Variants in SENP7 observed in about 807,000 individuals in gnomAD.
The protein encoded by SENP7 is sentrin-specific protease 7.
Under a neutral mutation model 141.2 loss-of-function variants are expected in SENP7, and 64 were observed. The ratio of observed to expected loss-of-function variants is 0.45; its 90% CI spans 0.37 to 0.56. The LOEUF is 0.56. SENP7 is among the 20% of genes least tolerant of loss of function. The probability of loss-of-function intolerance (pLI) is 0.00; values close to 1 mark genes in which losing one functional copy is unlikely to be tolerated. For missense variants in SENP7, 1,025 were observed against 1,212.2 expected, an observed-to-expected ratio of 0.85 and a Z score of 2.29; for synonymous variants, 382 against 426.4, an observed-to-expected ratio of 0.90 and a Z score of 1.28.
chr3:101,416,764 A>G (rs891131849), intron 5 of SENP7, among the ~76,000 whole-genome samples: 3 of 152,218 alleles, frequency 2.0e-5, no homozygotes, highest in African/African-American at 4.8e-5. Flanking sequence ...TTATTTTAAA[A>G]ATAACTGTGT....
chr3:101,391,196 TAACA>T (rs2060806066), intron 6 of SENP7, among the ~76,000 whole-genome samples: 1 of 150,738 alleles, frequency 6.6e-6, no homozygotes, highest in South Asian at 2.1e-4. Context: ...AGAAAAGCAA[TAACA>T]AACTAAACCC....
At chr3:101,407,007 GACAA>G (rs774389111) in intron 5 of SENP7, among the ~76,000 whole-genome samples, 13 of 152,094 alleles carry the variant, frequency 8.5e-5, no homozygotes, top group Non-Finnish European at 1.6e-4. Context: ...GTCTTTTTCA[GACAA>G]ACAAATGGGA....
chr3:101,430,192 C>T (rs2062109971), intron 4 of SENP7, among the ~76,000 whole-genome samples: 1 of 152,144 alleles, frequency 6.6e-6, no homozygotes, highest in South Asian at 2.1e-4. Flanking sequence ...CAGGATGATG[C>T]TGGCCTCATA....
At chr3:101,472,654 AAAT>A (rs2064050809) in intron 3 of SENP7, among the ~76,000 whole-genome samples, 1 of 152,214 alleles carries the variant, frequency 6.6e-6, no homozygotes, top group African/African-American at 2.4e-5. Flanking sequence ...GTATAATAAA[AAAT>A]AATTTTTTAA....
intron 11 of SENP7, among the ~76,000 whole-genome samples, chr3:101,352,054 C>T (rs951353104): frequency 1.8e-4 from 28 of 151,876 alleles, no homozygotes; most frequent in African/African-American, 6.8e-4. Context: ...GACGATGATT[C>T]CCTTGGTGAT....
chr3:101,351,356 T>C (rs577177578), intron 12 of SENP7, among the ~76,000 whole-genome samples: 1 of 152,014 alleles, frequency 6.6e-6, no homozygotes, highest in Non-Finnish European at 1.5e-5. Flanking sequence ...CATTTTTATA[T>C]ATACCAAAAT....
intron 17 of SENP7, among the ~76,000 whole-genome samples, chr3:101,333,753 A>C (rs1256806119): frequency 1.3e-5 from 2 of 152,196 alleles, no homozygotes; most frequent in Non-Finnish European, 2.9e-5. Flanking sequence ...AGTCACCTAC[A>C]CTGCCCTAGA....
chr3:101,357,748 G>GA (rs952026297), intron 11 of SENP7: 93 of 647,152 alleles, frequency 1.4e-4, no homozygotes, highest in African/African-American at 1.0e-3. Context: ...AGACATACTG[G>GA]AAAAAAAACT....
intron 4 of SENP7, chr3:101,457,685 C>G: frequency 1.5e-6 from 2 of 1,328,774 alleles, no homozygotes; most frequent in Non-Finnish European, 2.1e-6. Context: ...ACACTTGTGC[C>G]TGCAGTTTGG....
At chr3:101,337,374 G>T in intron 17 of SENP7, 135 bp downstream of exon 17, 1 of 515,442 alleles carries the variant, frequency 1.9e-6, no homozygotes, top group Non-Finnish European at 3.2e-6. Flanking sequence ...GGCTCTCATG[G>T]CAAACAGACC....
At chr3:101,512,989 T>A in intron 1 of SENP7, 102 bp downstream of exon 1, 237 of 1,097,566 alleles carry the variant, frequency 2.2e-4, no homozygotes, top group African/African-American at 4.6e-4. Flanking sequence ...GCCCCCGCCC[T>A]CGCCCCCGCG....
intron 6 of SENP7, among the ~76,000 whole-genome samples, chr3:101,392,955 T>C (rs913645605): frequency 7.2e-5 from 11 of 152,058 alleles, no homozygotes; most frequent in African/African-American, 2.7e-4. Context: ...TGCACTACAG[T>C]CTGGATGACA....
At chr3:101,513,208 GAAAGGAA>G in exon 1 of SENP7, 1 of 261,580 alleles carries the variant, frequency 3.8e-6, no homozygotes, top group Non-Finnish European at 6.7e-6. Flanking sequence ...AGGGGGAGGG[GAAAGGAA>G]AAAAAAAAAA....
intron 3 of SENP7, among the ~76,000 whole-genome samples, chr3:101,463,620 T>C (rs1209753205): frequency 1.3e-5 from 2 of 151,248 alleles, no homozygotes; most frequent in Non-Finnish European, 2.9e-5. Context: ...ATACCAAACC[T>C]GCAATCTAAC....
At chr3:101,495,046 A>G (rs1305514263) in intron 2 of SENP7, among the ~76,000 whole-genome samples, 1 of 152,224 alleles carries the variant, frequency 6.6e-6, no homozygotes, top group Non-Finnish European at 1.5e-5. Context: ...GACAAACTCT[A>G]ATATCCAGAG....
intron 4 of SENP7, among the ~76,000 whole-genome samples, chr3:101,441,540 T>C (rs765967620): frequency 6.6e-6 from 1 of 152,084 alleles, no homozygotes; most frequent in Non-Finnish European, 1.5e-5. Context: ...CTACTCACCA[T>C]TGCCAATGCC....
chr3:101,370,267 A>T (rs568114576), intron 7 of SENP7, among the ~76,000 whole-genome samples: 1 of 152,274 alleles, frequency 6.6e-6, no homozygotes, highest in East Asian at 1.9e-4. Context: ...TATTCAAGTC[A>T]ATGTGAGGAC....
At chr3:101,332,181 T>A in intron 18 of SENP7, 72 bp from the exon 19 acceptor site, 1 of 1,398,432 alleles carries the variant, frequency 7.2e-7, no homozygotes, top group Non-Finnish European at 9.7e-7. Flanking sequence ...TAGAGATACA[T>A]CTGAGAAAGT....
intron 6 of SENP7, among the ~76,000 whole-genome samples, chr3:101,372,348 T>A (rs34334124): frequency 0.042 from 6,441 of 152,038 alleles, 199 homozygotes; most frequent in Non-Finnish European, 0.069. Flanking sequence ...GGAAAAAAAA[T>A]GAGATATCAA....
Sources: allele counts gnomAD v4.1 joint callset (sites outside exome capture counted in the v4.1 genomes callset), GRCh38; gene constraint gnomAD v4.1.1; transcripts MANE v1.5; gene names NCBI Gene and HGNC (gene_info 2026-07-23, HGNC 2026-07-21).